The following PKHD1 variants were observed in gnomAD, a reference collection of about 807,000 sequenced individuals.
PKHD1 encodes the protein PKHD1 ciliary IPT domain containing fibrocystin/polyductin, also known as fibrocystin.
In PKHD1, 291 loss-of-function variants were observed where a neutral mutation model predicts 412.0. The observed-to-expected ratio is 0.71, with a 90% CI of 0.64 to 0.78. The LOEUF (loss-of-function observed/expected upper bound fraction) is 0.78. PKHD1 is among the 30% of genes least tolerant of loss of function. The pLI is 0.00. For synonymous variants in PKHD1, 1,777 were observed against 1,821.5 expected (o/e 0.98, Z 0.62); for missense variants, 4,825 against 4,950.7 (o/e 0.97, Z 0.76).
At chr6:51,931,558 G>A (rs1056486167) in intron 37 of PKHD1, among the ~76,000 whole-genome samples, 5 of 152,304 alleles carry the variant, frequency 3.3e-5, no homozygotes, top group South Asian at 2.1e-4. Context: ...TGAGCTGCAC[G>A]TGGGGCTGCG....
intron 60 of PKHD1, among the ~76,000 whole-genome samples, chr6:51,707,258 CCTTT>C (rs1780119178): frequency 6.6e-6 from 1 of 152,096 alleles, no homozygotes; most frequent in African/African-American, 2.4e-5. Context: ...CTTCACTCAT[CCTTT>C]CTGCTTTCTT....
intron 46 of PKHD1, among the ~76,000 whole-genome samples, chr6:51,872,131 C>T (rs1243115516): frequency 6.6e-6 from 1 of 151,810 alleles, no homozygotes; most frequent in African/African-American, 2.4e-5. Context: ...TTCCAGGAGG[C>T]CCAATATTTA....
Position 51,747,870 on chromosome 6 carries a change from G to A in PKHD1, c.9746C>T (p.Thr3249Ile). 2 of 1,613,690 alleles carry A rather than the reference G, an allele frequency of 1.2e-6. No homozygotes were observed. The highest frequency in any genetic ancestry group is 1.7e-6 in the Non-Finnish European group (2 of 1,179,668). ...GRIGILWPVF[T>I]SEPNQWPQEP... ...CTGAGGCCACTGATTTGGTTCTGAGGTGAATACAGGCCACAGAATACCAAT... is the reference window on the plus strand; with the variant it reads ...CTGAGGCCACTGATTTGGTTCTGAGATGAATACAGGCCACAGAATACCAAT... Residue 3249 changes from threonine to isoleucine, a missense_variant, in exon 58 of 67, where the codon ACC (threonine) becomes ATC (isoleucine). Physicochemically the swap from Thr to Ile is moderately conservative, Grantham distance 89 (BLOSUM62 -1). Coordinates refer to ENST00000371117, the MANE Select transcript of PKHD1 (RefSeq NM_138694.4).
At chr6:51,973,456 C>T (rs1470727454) in intron 35 of PKHD1, among the ~76,000 whole-genome samples, 1 of 152,112 alleles carries the variant, frequency 6.6e-6, no homozygotes, top group East Asian at 1.9e-4. Flanking sequence ...TTCCTTTTTA[C>T]GTGTCCTCAA....
intron 36 of PKHD1, among the ~76,000 whole-genome samples, chr6:51,952,818 A>G (rs1470078703): frequency 1.3e-5 from 2 of 152,152 alleles, no homozygotes; most frequent in Non-Finnish European, 2.9e-5. Context: ...GGCACAGACC[A>G]GCCCCTTAGG....
chr6:51,942,959 A>C (rs903208703), intron 36 of PKHD1, among the ~76,000 whole-genome samples: 14 of 151,596 alleles, frequency 9.2e-5, no homozygotes, highest in African/African-American at 3.4e-4. Flanking sequence ...ACATGCCCCA[A>C]GTCAGGAAAC....
At chr6:51,804,353 A>C (rs75059606) in intron 52 of PKHD1, among the ~76,000 whole-genome samples, 34,770 of 57,116 alleles carry the variant, frequency 0.61, 8,425 homozygotes, top group East Asian at 0.75. Flanking sequence ...AGAAATACTA[A>C]TTCATTGGGG....
chr6:52,061,002 C>G (rs1349034255), intron 14 of PKHD1, among the ~76,000 whole-genome samples: 2 of 152,148 alleles, frequency 1.3e-5, no homozygotes, highest in Non-Finnish European at 2.9e-5. Flanking sequence ...CCCTGCAACA[C>G]TTACTATAGA....
At chr6:51,625,782 A>G (rs1767149442) in intron 66 of PKHD1, among the ~76,000 whole-genome samples, 1 of 152,212 alleles carries the variant, frequency 6.6e-6, no homozygotes, top group Admixed American at 6.5e-5. Context: ...GCTGAATACG[A>G]AGAGCTATTC....
chr6:52,000,372 A>C (rs1346867112), intron 35 of PKHD1, among the ~76,000 whole-genome samples: 1 of 152,226 alleles, frequency 6.6e-6, no homozygotes, highest in Non-Finnish European at 1.5e-5. Flanking sequence ...GCCTCTCTGC[A>C]GGATAGCTAA....
At chr6:52,048,440 G>A (rs573808015) in intron 23 of PKHD1, 52 bp downstream of exon 23, 1 of 1,570,986 alleles carries the variant, frequency 6.4e-7, no homozygotes, top group Non-Finnish European at 8.8e-7. Context: ...CCTTGGGAAT[G>A]TGAGTGAGAA....
chr6:51,927,466 CA>C (rs1785838497), intron 37 of PKHD1, among the ~76,000 whole-genome samples: 2 of 152,248 alleles, frequency 1.3e-5, no homozygotes, highest in East Asian at 3.9e-4. Context: ...TATGAATGAC[CA>C]AAAACAAGGA....
At chr6:51,700,087 T>C (rs998333920) in intron 60 of PKHD1, among the ~76,000 whole-genome samples, 7 of 151,990 alleles carry the variant, frequency 4.6e-5, no homozygotes, top group African/African-American at 1.7e-4. Context: ...ATAGGAAGCA[T>C]AAATAAAAAA....
intron 65 of PKHD1, among the ~76,000 whole-genome samples, chr6:51,632,004 A>C (rs1200172763): frequency 6.7e-6 from 1 of 149,104 alleles, no homozygotes; most frequent in Non-Finnish European, 1.5e-5. Flanking sequence ...GCAATGGCGC[A>C]ATCTCGGCTC....
intron 20 of PKHD1, 113 bp from the exon 21 acceptor site, chr6:52,053,364 G>A: frequency 9.2e-7 from 1 of 1,087,626 alleles, no homozygotes; most frequent in Admixed American, 2.0e-5. Context: ...CCAGGAGAGA[G>A]ACCCCATGAA....
chr6:51,720,368 C>T (rs1781756551), intron 60 of PKHD1, among the ~76,000 whole-genome samples: 1 of 152,180 alleles, frequency 6.6e-6, no homozygotes. Flanking sequence ...AACTCTCATC[C>T]ACATATCCAG....
intron 55 of PKHD1, among the ~76,000 whole-genome samples, chr6:51,758,893 T>C (rs573283611): frequency 2.6e-5 from 4 of 152,300 alleles, no homozygotes; most frequent in Admixed American, 6.5e-5. Flanking sequence ...GTGTAAGACA[T>C]TCACGTGTAA....
chr6:51,958,136 A>G lies in PKHD1; in HGVS notation c.5908+1734T>C, dbSNP rs191596134. On this transcript the variant is annotated intron_variant, in intron 36 of 66. Coordinates refer to ENST00000371117, the MANE Select transcript of PKHD1 (RefSeq NM_138694.4). ...AAAACCTCAGCGTTTCACTCTAGGT[A>G]GCTCTGTCTTTTGCCAACAACTCCT... Among the ~76,000 whole-genome samples the G allele has an allele frequency of 5.3e-5, 8 of 152,188 alleles. No individual in the cohort carries two copies. In the East Asian group the frequency reaches 9.7e-4, roughly 18 times the overall value.
chr6:52,012,375 T>C (rs1454751093), intron 34 of PKHD1, among the ~76,000 whole-genome samples: 2 of 152,192 alleles, frequency 1.3e-5, no homozygotes, highest in African/African-American at 2.4e-5. Flanking sequence ...TTTACATTTA[T>C]TATTGTTACA....
Sources: gnomAD v4.1 joint callset for allele counts (sites outside exome capture counted in the v4.1 genomes callset) on GRCh38, gnomAD v4.1.1 for gene constraint, MANE v1.5 for transcripts, NCBI Gene and HGNC (gene_info 2026-07-23, HGNC 2026-07-21) for gene names.